PLCB4: variants seen among roughly 807,000 people sequenced by gnomAD.
PLCB4 encodes the protein 1-phosphatidylinositol 4,5-bisphosphate phosphodiesterase beta-4.
PLCB4 carries 77 observed loss-of-function variants against 178.8 expected under a neutral mutation model. The ratio of observed to expected loss-of-function variants is 0.43; its 90% CI spans 0.36 to 0.52. PLCB4 has a LOEUF of 0.52. PLCB4 is among the 20% of genes least tolerant of loss of function. The pLI, the probability that PLCB4 is intolerant of heterozygous loss-of-function variation, is 0.00. For synonymous variants in PLCB4, 496 were observed against 490.8 expected, an observed-to-expected ratio of 1.01 and a Z score of -0.14; for missense variants, 1,024 against 1,453.4, an observed-to-expected ratio of 0.70 and a Z score of 4.80.
intron 3 of PLCB4, among the ~76,000 whole-genome samples, chr20:9,262,860 G>T (rs2094311744): frequency 6.6e-6 from 1 of 152,306 alleles, no homozygotes; most frequent in South Asian, 2.1e-4. Context: ...AAAGGGGAAC[G>T]TATTGAAAGA....
chr20:9,426,002 G>A lies in PLCB4; in HGVS notation c.2524+2050G>A, dbSNP rs568213424. On this transcript the variant is annotated intron_variant, in intron 28 of 39. Transcript: ENST00000378473. The stretch of plus-strand genomic sequence containing the variant: ...GTGTGTTTATGTGCTGAACCAGTGA[G>A]ATAGGAAATCTATAGAGTCTGTGTT... 6.6e-5 allele frequency among the ~76,000 whole-genome samples: 10 copies of A among 152,038 alleles called. No homozygotes were observed. In the South Asian group the frequency reaches 1.7e-3, roughly 25 times the overall value.
chr20:9,102,359 ATCT>A (rs2091190246), intron 2 of PLCB4, among the ~76,000 whole-genome samples: 1 of 152,222 alleles, frequency 6.6e-6, no homozygotes, highest in Non-Finnish European at 1.5e-5. Context: ...ATACAAAATC[ATCT>A]TAGATTACAA....
chr20:9,320,506 A>G (rs2094948076), intron 4 of PLCB4, among the ~76,000 whole-genome samples: 1 of 152,126 alleles, frequency 6.6e-6, no homozygotes, highest in African/African-American at 2.4e-5. Flanking sequence ...TCCTGTAACT[A>G]AGAATGCCTA....
chr20:9,369,151 AG>A (rs1041297618), intron 9 of PLCB4, among the ~76,000 whole-genome samples: 11 of 152,088 alleles, frequency 7.2e-5, no homozygotes, highest in African/African-American at 2.7e-4. Context: ...ATTGGTACCC[AG>A]GTTCTGTTTC....
At chr20:9,095,166 T>C (rs562622828) in intron 1 of PLCB4, among the ~76,000 whole-genome samples, 26 of 152,320 alleles carry the variant, frequency 1.7e-4, no homozygotes, top group South Asian at 4.1e-4. Flanking sequence ...GGGTTCACGA[T>C]CCTTTCAGTA....
At chr20:9,194,661 C>G (rs1212745801) in intron 2 of PLCB4, among the ~76,000 whole-genome samples, 1 of 146,106 alleles carries the variant, frequency 6.8e-6, no homozygotes, top group Non-Finnish European at 1.5e-5. Context: ...CCACTGCACT[C>G]CAGCCTGGGC....
intron 39 of PLCB4, among the ~76,000 whole-genome samples, chr20:9,477,172 C>T (rs955487062): frequency 6.6e-6 from 1 of 152,186 alleles, no homozygotes; most frequent in East Asian, 1.9e-4. Context: ...TGGAGCTGTG[C>T]TGTGCATGTA....
At chr20:9,088,650 T>C (rs1415875160) in intron 1 of PLCB4, among the ~76,000 whole-genome samples, 27 of 152,090 alleles carry the variant, frequency 1.8e-4, no homozygotes, top group Non-Finnish European at 2.9e-5. Context: ...AGGAATGAGG[T>C]TGCTAATCTG....
intron 2 of PLCB4, among the ~76,000 whole-genome samples, chr20:9,098,520 C>G (rs1194279096): frequency 6.6e-6 from 1 of 151,778 alleles, no homozygotes; most frequent in Non-Finnish European, 1.5e-5. Flanking sequence ...AAAGGCTCCT[C>G]AGCTGCATGG....
chr20:9,101,018 T>C (rs548969350), intron 2 of PLCB4, among the ~76,000 whole-genome samples: 10 of 152,236 alleles, frequency 6.6e-5, no homozygotes, highest in African/African-American at 2.2e-4. Flanking sequence ...GGCCCATTTC[T>C]TCATATTTCA....
intron 2 of PLCB4, among the ~76,000 whole-genome samples, chr20:9,160,431 G>A (rs1188672999): frequency 2.0e-5 from 3 of 152,178 alleles, no homozygotes; most frequent in Non-Finnish European, 4.4e-5. Context: ...GTAGATACGT[G>A]TTGAGTAAAT....
At chr20:9,244,861 G>T (rs2094108513) in intron 3 of PLCB4, among the ~76,000 whole-genome samples, 1 of 152,124 alleles carries the variant, frequency 6.6e-6, no homozygotes, top group African/African-American at 2.4e-5. Context: ...CTACATCATG[G>T]CTTAAAATAT....
At chr20:9,436,079 A>G (rs868395634) in intron 29 of PLCB4, among the ~76,000 whole-genome samples, 6 of 152,250 alleles carry the variant, frequency 3.9e-5, no homozygotes, top group African/African-American at 1.4e-4. Flanking sequence ...TTTCATGAAC[A>G]AAATTACTAA....
intron 35 of PLCB4, among the ~76,000 whole-genome samples, chr20:9,461,154 A>G (rs554798690): frequency 1.3e-5 from 2 of 152,352 alleles, no homozygotes; most frequent in African/African-American, 4.8e-5. Context: ...AGAGAAAAAC[A>G]TTAGCTCACA....
At chr20:9,112,169 A>G (rs1405632308) in intron 2 of PLCB4, among the ~76,000 whole-genome samples, 1 of 152,150 alleles carries the variant, frequency 6.6e-6, no homozygotes, top group Non-Finnish European at 1.5e-5. Flanking sequence ...AGTGTTAAGA[A>G]TCTGAAGAGA....
At chr20:9,106,399 G>GT (rs924203172) in intron 2 of PLCB4, among the ~76,000 whole-genome samples, 3 of 151,384 alleles carry the variant, frequency 2.0e-5, no homozygotes, top group African/African-American at 7.3e-5. Flanking sequence ...AAACAGTGTA[G>GT]TTTTTTTTCA....
chr20:9,130,843 C>G (rs1224286934), intron 2 of PLCB4, among the ~76,000 whole-genome samples: 1 of 152,192 alleles, frequency 6.6e-6, no homozygotes, highest in African/African-American at 2.4e-5. Context: ...TCTGTGCCAA[C>G]ACAGACCATC....
At chr20:9,439,387 A>G (rs1234750021) in intron 30 of PLCB4, among the ~76,000 whole-genome samples, 2 of 152,184 alleles carry the variant, frequency 1.3e-5, no homozygotes, top group Non-Finnish European at 2.9e-5. Flanking sequence ...CTAGTCTCCC[A>G]TTGGCTACAG....
intron 2 of PLCB4, among the ~76,000 whole-genome samples, chr20:9,126,185 C>T (rs1346290956): frequency 5.3e-5 from 8 of 152,008 alleles, no homozygotes; most frequent in Non-Finnish European, 8.8e-5. Context: ...TTTCTATAAA[C>T]GAATTAAGTT....
Sources: allele counts gnomAD v4.1 joint callset (sites outside exome capture counted in the v4.1 genomes callset), GRCh38; gene constraint gnomAD v4.1.1; transcripts MANE v1.5; gene names NCBI Gene and HGNC (gene_info 2026-07-23, HGNC 2026-07-21).